The following PPRC1 variants were observed in gnomAD, a reference collection of about 807,000 sequenced individuals.
The protein encoded by PPRC1 is peroxisome proliferator-activated receptor gamma coactivator-related protein 1.
Under a neutral mutation model 132.5 loss-of-function variants are expected in PPRC1, and 23 were observed. The ratio of observed to expected loss-of-function variants is 0.17; its 90% CI spans 0.12 to 0.25. The LOEUF is 0.25. Among genes scored for constraint, PPRC1 ranks in the 10% least tolerant of loss-of-function variants. The probability of loss-of-function intolerance (pLI) is 1.00; values close to 1 mark genes in which losing one functional copy is unlikely to be tolerated. For missense variants in PPRC1, 2,006 were observed against 2,089.1 expected, an observed-to-expected ratio of 0.96 and a Z score of 0.78; for synonymous variants, 872 against 833.5, an observed-to-expected ratio of 1.05 and a Z score of -0.80.
chr10:102,127,092 AG>A, the PPRC1 span, among the ~76,000 whole-genome samples: 1 of 134,160 alleles, frequency 7.5e-6, no homozygotes, highest in Non-Finnish European at 1.6e-5. Context: ...ATTGAGACAG[AG>A]GTCAGGCATG....
rs894807726 is a variant in PPRC1 at position 102,133,176 on chromosome 10, C to G, written c.108C>G (p.Ser36Arg). Reference sequence around the variant, plus strand: ...GCGGCAGTGGTTGGGGAAGTCGAAGCCAAGCGCCGTATGGGACTTTGGGCG... The same window carrying G: ...GCGGCAGTGGTTGGGGAAGTCGAAGGCAAGCGCCGTATGGGACTTTGGGCG... The part of the protein sequence containing the change: ...GARGSGWGSR[S>R]QAPYGTLGAV... Residue 36 changes from serine (S) to arginine (R), a missense_variant, in exon 1 of 14, where the codon AGC (serine) becomes AGG (arginine). Physicochemically the swap from Ser to Arg is moderately radical, Grantham distance 110. Around this residue, in one of 2 missense-constraint regions of PPRC1, gnomAD observed 1,914 missense variants for 1,917.2 expected, o/e 1.00. Transcript: ENST00000278070. 1.6e-6 allele frequency: 2 copies of G among 1,274,116 alleles called. No individual in the cohort carries two copies. The highest frequency in any genetic ancestry group is 1.5e-5 in the African/African-American group (1 of 65,632). The allele number at this position is 1,274,116 out of a possible 1,614,324, so 78.9% of individuals were successfully genotyped here. A position where few individuals can be genotyped will look rare whatever the true frequency, so the allele number is the denominator to read the frequency against.
the PPRC1 span, chr10:102,119,999 C>G: frequency 1.8e-6 from 2 of 1,097,848 alleles, no homozygotes; most frequent in Non-Finnish European, 2.5e-6. Context: ...TCGACGCCCC[C>G]CACACAAGTT....
chr10:102,144,119 T>C (rs1410622848), intron 6 of PPRC1, 131 bp from the exon 7 acceptor site: 1 of 837,068 alleles, frequency 1.2e-6, no homozygotes, highest in Non-Finnish European at 2.1e-6. Flanking sequence ...CTAGATCTCT[T>C]TGGGGAGATC....
Position 102,138,033 on chromosome 10 carries a change from G to A in PPRC1, c.337G>A (p.Gly113Arg), listed in dbSNP as rs762239005. The change falls in exon 2 of 14, where the codon GGA (glycine) becomes AGA (arginine). Residue 113 changes from glycine (G) to arginine (R), a missense_variant. By Grantham distance (125) the Gly-to-Arg change is moderately radical (BLOSUM62 -2). Transcript: ENST00000278070. Reference sequence around the variant, plus strand: ...CCTCATTGAGGATTTTGGGAGCCTTGGAGAGGTGAGCTGGGGCTGGACTCT... The same window carrying A: ...CCTCATTGAGGATTTTGGGAGCCTTAGAGAGGTGAGCTGGGGCTGGACTCT... ...ISLIEDFGSL[G>R]ESRLSLEDQN... 6.2e-7 allele frequency: 1 copy of A among 1,613,496 alleles called. No homozygotes were observed. Among genetic ancestry groups the A allele is most frequent in the East Asian group, 2.2e-5 (1 of 44,864 alleles).
Position 102,139,710 on chromosome 10 carries a change from C to A in PPRC1, c.1202C>A (p.Ala401Asp). Reference protein sequence around the residue: ...MPTLESETEAAVPKVTLCSEK... With the variant: ...MPTLESETEADVPKVTLCSEK... Reference sequence around the variant, plus strand: ...ACACTGGAGTCAGAGACAGAGGCTGCTGTGCCCAAGGTAACCCTCTGCTCT... The same window carrying A: ...ACACTGGAGTCAGAGACAGAGGCTGATGTGCCCAAGGTAACCCTCTGCTCT... The change falls in exon 5 of 14, where the codon GCT (alanine) becomes GAT (aspartate). Residue 401 changes from alanine to aspartate, a missense_variant. Physicochemically the swap from Ala to Asp is moderately radical, Grantham distance 126. Around this residue, in one of 2 missense-constraint regions of PPRC1, gnomAD observed 1,914 missense variants for 1,917.2 expected, o/e 1.00. Transcript: ENST00000278070. 2 of 1,614,066 alleles carry A rather than the reference C, an allele frequency of 1.2e-6. No homozygotes were observed. The highest frequency in any genetic ancestry group is 1.7e-6 in the Non-Finnish European group (2 of 1,180,046).
chr10:102,129,697 G>A (rs1311509157), upstream of PPRC1, among the ~76,000 whole-genome samples: 2 of 152,004 alleles, frequency 1.3e-5, no homozygotes, highest in African/African-American at 2.4e-5. Context: ...TCTGCCTCCC[G>A]GGTTCAAGCG....
the PPRC1 span, among the ~76,000 whole-genome samples, chr10:102,121,790 C>G: frequency 6.6e-6 from 1 of 152,158 alleles, no homozygotes; most frequent in Non-Finnish European, 1.5e-5. Context: ...GGGTTCTCCT[C>G]TTTGTTACTT....
chr10:102,120,074 C>A, the PPRC1 span: 1 of 1,436,446 alleles, frequency 7.0e-7, no homozygotes, highest in Non-Finnish European at 9.2e-7. Flanking sequence ...AGTGGCCGCA[C>A]GCCCCACTCA....
the PPRC1 span, among the ~76,000 whole-genome samples, chr10:102,122,733 C>A: frequency 6.6e-6 from 1 of 152,120 alleles, no homozygotes; most frequent in African/African-American, 2.4e-5. Flanking sequence ...CTATAAAGGT[C>A]TTTGCCTCCT....
intron 8 of PPRC1, 134 bp from the exon 9 acceptor site, chr10:102,146,538 A>G: frequency 7.8e-7 from 1 of 1,288,020 alleles, no homozygotes; most frequent in South Asian, 1.6e-5. Flanking sequence ...AAGCAGTGGG[A>G]AAAGTTGGGC....
chr10:102,124,877 C>T, the PPRC1 span, among the ~76,000 whole-genome samples: 1 of 151,906 alleles, frequency 6.6e-6, no homozygotes, highest in Non-Finnish European at 1.5e-5. Context: ...TCTGGCTGGC[C>T]TCAAGTGATC....
At chr10:102,135,900 C>T (rs1258276530) in intron 1 of PPRC1, among the ~76,000 whole-genome samples, 2 of 152,020 alleles carry the variant, frequency 1.3e-5, no homozygotes, top group Non-Finnish European at 2.9e-5. Flanking sequence ...GCTTAGCACT[C>T]GGATGATCTT....
In PPRC1 at chr10:102,141,837, G is replaced by A. The variant is rs770456333; in HGVS notation, c.3329G>A (p.Arg1110Lys). Residue 1110 changes from arginine (R) to lysine (K), a missense_variant, in exon 5 of 14, where the codon AGG becomes AAG. This residue lies in a region of PPRC1 where 1,914 missense variants were observed against 1,917.2 expected (regional missense o/e 1.00). Transcript: ENST00000278070. ...LKPETQETRP[R>K]EKPPLPATKA... ...CCTGAGACCCAAGAGACCAGGCCCAGGGAGAAGCCCCCCTTGCCTGCTACC... is the reference window on the plus strand; with the variant it reads ...CCTGAGACCCAAGAGACCAGGCCCAAGGAGAAGCCCCCCTTGCCTGCTACC... 8 of 1,614,054 alleles carry A rather than the reference G, an allele frequency of 5.0e-6. No homozygotes were observed. The highest frequency in any genetic ancestry group is 3.4e-6 in the Non-Finnish European group (4 of 1,179,994).
chr10:102,138,878 G>A lies in PPRC1; in HGVS notation c.490-1G>A. 1 of 1,613,954 alleles carries A rather than the reference G, an allele frequency of 6.2e-7. No homozygotes were observed. The highest frequency in any genetic ancestry group is 8.5e-7 in the Non-Finnish European group (1 of 1,179,896). Reference sequence around the variant, plus strand: ...ATCTCAGGTCTTTCTTTCCCTCTTAGCTGCACAAGCTGCTTACTCTCTCTC... The same window carrying A: ...ATCTCAGGTCTTTCTTTCCCTCTTAACTGCACAAGCTGCTTACTCTCTCTC... On this transcript the variant is annotated splice_acceptor_variant, in intron 3 of 13. Transcript: ENST00000278070. LOFTEE classifies it high-confidence loss of function.
intron 1 of PPRC1, among the ~76,000 whole-genome samples, chr10:102,137,258 G>C (rs2068760693): frequency 6.6e-6 from 1 of 152,174 alleles, no homozygotes; most frequent in African/African-American, 2.4e-5. Flanking sequence ...AGAATCGCTT[G>C]AACCCAGGAG....
Position 102,149,292 on chromosome 10 carries a change from C to T in PPRC1, c.4854C>T (p.Gly1618=), listed in dbSNP as rs760085551. ...DEQPFDLCFG[G]RRQFCKRSYS... is the part of the protein sequence containing the mutation. ...AGCCCTTTGATCTCTGCTTTGGGGGCCGAAGGCAGTTCTGCAAGAGGAGCT... is the reference window on the plus strand; with the variant it reads ...AGCCCTTTGATCTCTGCTTTGGGGGTCGAAGGCAGTTCTGCAAGAGGAGCT... Residue 1618 remains glycine (G), a synonymous_variant, in exon 13 of 14, where the codon GGC becomes GGT. Transcript: ENST00000278070. The T allele has an allele frequency of 4.4e-6, 7 of 1,607,694 alleles. No homozygotes were observed. In the Admixed American group the frequency reaches 6.8e-5, roughly 16 times the overall value.
the PPRC1 span, among the ~76,000 whole-genome samples, chr10:102,123,114 T>A: frequency 6.6e-6 from 1 of 152,186 alleles, no homozygotes; most frequent in Non-Finnish European, 1.5e-5. Flanking sequence ...GGAAATACCA[T>A]CTCAGTACTG....
At position 102,140,493 on chromosome 10, in the gene PPRC1, G is replaced by T. The variant is rs368810859; in HGVS notation, c.1985G>T (p.Gly662Val). 12 of 1,613,970 alleles carry T rather than the reference G, an allele frequency of 7.4e-6. No individual in the cohort carries two copies. The highest frequency in any genetic ancestry group is 1.3e-5 in the African/African-American group (1 of 74,888). ...NLPPVDAVPS[G>V]PAPVDLALVD... ...CCACCAGTTGATGCTGTCCCGTCTG[G>T]CCCAGCACCAGTTGATCTAGCACTG... is the stretch of plus-strand genomic sequence containing the variant. The change falls in exon 5 of 14, where the codon GGC (glycine) becomes GTC (valine). Residue 662 changes from glycine (G) to valine (V), a missense_variant. Gly to Val is a moderately radical substitution (Grantham distance 109). This residue lies in a region of PPRC1 where 1,914 missense variants were observed against 1,917.2 expected (regional missense o/e 1.00). Transcript: ENST00000278070.
chr10:102,136,925 G>A (rs1166875866), intron 1 of PPRC1, among the ~76,000 whole-genome samples: 1 of 152,160 alleles, frequency 6.6e-6, no homozygotes, highest in South Asian at 2.1e-4. Context: ...TGTGGGGCGG[G>A]GCCTTTCCAT....
Sources: gnomAD v4.1 joint callset for allele counts (sites outside exome capture counted in the v4.1 genomes callset) on GRCh38, gnomAD v4.1.1 for gene constraint, gnomAD v4.1.1 regional missense constraint, MANE v1.5 for transcripts, NCBI Gene and HGNC (gene_info 2026-07-23, HGNC 2026-07-21) for gene names.